Variants in GNA12 observed in about 807,000 individuals in gnomAD.
GNA12 encodes guanine nucleotide-binding protein subunit alpha-12.
Under a neutral mutation model 26.0 loss-of-function variants are expected in GNA12, and 9 were observed. That is an observed-to-expected ratio of 0.35 (90% CI 0.21 to 0.60). GNA12 has a LOEUF of 0.60. Ranked by LOEUF, GNA12 falls within the 20% of genes least tolerant of loss-of-function variation. GNA12 has a pLI of 0.78. For missense variants in GNA12, 405 were observed against 525.8 expected (o/e 0.77, Z 2.25); for synonymous variants, 264 against 219.6 (o/e 1.20, Z -1.79).
intron 1 of GNA12, among the ~76,000 whole-genome samples, chr7:2,821,975 G>C (rs1793379837): frequency 1.3e-5 from 2 of 152,122 alleles, no homozygotes; most frequent in South Asian, 4.1e-4. Flanking sequence ...GGGACACAGG[G>C]GAATCAGACC....
intron 1 of GNA12, among the ~76,000 whole-genome samples, chr7:2,828,793 C>T (rs1301581773): frequency 2.6e-5 from 4 of 152,158 alleles, no homozygotes; most frequent in African/African-American, 7.2e-5. Context: ...CGGTGGCTCA[C>T]GCCTGTAATC....
At chr7:2,815,669 A>C (rs2533881) in intron 1 of GNA12, among the ~76,000 whole-genome samples, 141,218 of 152,172 alleles carry the variant, frequency 0.93, 65,626 homozygotes, top group East Asian at 1. Flanking sequence ...GCCCACAAGT[A>C]CCCCTCCGCC....
chr7:2,842,110 G>GGAA (rs1554264371), intron 1 of GNA12, among the ~76,000 whole-genome samples: 1 of 145,358 alleles, frequency 6.9e-6, no homozygotes, highest in African/African-American at 2.6e-5. Context: ...AAGGAAGGAA[G>GGAA]GGAAGGGAGG....
At position 2,736,358 on chromosome 7, in the gene GNA12, C is replaced by T. The variant is rs1316796156; in HGVS notation, c.526-2857G>A. 4.6e-5 allele frequency among the ~76,000 whole-genome samples: 7 copies of T among 152,170 alleles called. No homozygotes were observed. In the South Asian group the frequency reaches 1.2e-3, roughly 27 times the overall value. On this transcript the variant is annotated intron_variant, in intron 2 of 3. Transcript: ENST00000275364. ...AAACCTACACCACTCAAGATTAACA[C>T]AAACTTGGACTTGCGGATTAAATGA...
intron 1 of GNA12, among the ~76,000 whole-genome samples, chr7:2,835,004 T>C (rs931591372): frequency 6.6e-6 from 1 of 152,216 alleles, no homozygotes; most frequent in Non-Finnish European, 1.5e-5. Context: ...TACATCTGCA[T>C]ATAAGACAAG....
rs562826486 is a variant in GNA12 at position 2,843,755 on chromosome 7, G to A, written c.309+98C>T. The A allele has an allele frequency of 9.0e-5, 49 of 546,530 alleles. No homozygotes were observed. In the South Asian group the frequency reaches 1.4e-3, roughly 16 times the overall value. The allele number at this position is 546,530 out of a possible 1,614,324, so 33.9% of individuals were successfully genotyped here. A position where few individuals can be genotyped will look rare whatever the true frequency, so the allele number is the denominator to read the frequency against. On this transcript the variant is annotated intron_variant, in intron 1 of 3. Coordinates refer to ENST00000275364, the MANE Select transcript of GNA12 (RefSeq NM_007353.3). ...CTGGATCCAGCATCCTCGCCCCAGG[G>A]GTCCCCGCCCGCGGCGGCGGACCAC...
At chr7:2,802,477 G>T (rs545410447) in intron 1 of GNA12, among the ~76,000 whole-genome samples, 1 of 151,960 alleles carries the variant, frequency 6.6e-6, no homozygotes, top group Non-Finnish European at 1.5e-5. Context: ...AATAGATTAT[G>T]TTAGTTTAGC....
chr7:2,742,996 GCAA>G (rs1171569209), intron 2 of GNA12, among the ~76,000 whole-genome samples: 1 of 152,174 alleles, frequency 6.6e-6, no homozygotes, highest in Non-Finnish European at 1.5e-5. Context: ...GTGGTGTGTG[GCAA>G]CAACAACATT....
At chr7:2,779,505 CA>C (rs879328315) in intron 2 of GNA12, among the ~76,000 whole-genome samples, 46 of 142,218 alleles carry the variant, frequency 3.2e-4, no homozygotes, top group Non-Finnish European at 2.3e-4. Context: ...GTGAGACTCT[CA>C]AAAAAAAAAA....
intron 2 of GNA12, among the ~76,000 whole-genome samples, chr7:2,738,698 A>ATCT (rs1009297628): frequency 6.6e-6 from 1 of 152,114 alleles, no homozygotes; most frequent in African/African-American, 2.4e-5. Flanking sequence ...CCATGCTAAC[A>ATCT]TCTTCCATAA....
intron 2 of GNA12, among the ~76,000 whole-genome samples, chr7:2,735,018 C>T (rs1339636193): frequency 6.6e-6 from 1 of 152,188 alleles, no homozygotes; most frequent in Non-Finnish European, 1.5e-5. Flanking sequence ...CAGCCGCCTT[C>T]CCGTGGCTGT....
At chr7:2,800,068 T>C (rs1290531457) in intron 1 of GNA12, among the ~76,000 whole-genome samples, 2 of 152,220 alleles carry the variant, frequency 1.3e-5, no homozygotes, top group Non-Finnish European at 2.9e-5. Context: ...CAAAACCCTG[T>C]AATGTTCACA....
At chr7:2,793,881 CAAAAAAAAAA>C (rs71026557) in intron 2 of GNA12, among the ~76,000 whole-genome samples, 1 of 95,798 alleles carries the variant, frequency 1.0e-5, no homozygotes, top group South Asian at 3.4e-4. Flanking sequence ...GACTCCATCT[CAAAAAAAAAA>C]AAAAAAAGGA....
At chr7:2,763,089 G>C (rs1791645526) in intron 2 of GNA12, 2 of 1,250,270 alleles carry the variant, frequency 1.6e-6, no homozygotes, top group Non-Finnish European at 2.0e-6. Context: ...CCTTGAGTGA[G>C]AGACCACAAG....
At chr7:2,814,628 T>C (rs4722103) in intron 1 of GNA12, among the ~76,000 whole-genome samples, 2,157 of 137,444 alleles carry the variant, frequency 0.016, 23 homozygotes, top group Admixed American at 0.024. Flanking sequence ...TTATTTCCTT[T>C]TCCTGCCTTT....
At chr7:2,821,856 G>A (rs1259278993) in intron 1 of GNA12, among the ~76,000 whole-genome samples, 1 of 152,102 alleles carries the variant, frequency 6.6e-6, no homozygotes, top group Non-Finnish European at 1.5e-5. Flanking sequence ...ATTAAAATTT[G>A]GCTTTCAAGT....
At chr7:2,751,126 A>T (rs1791014197) in intron 2 of GNA12, among the ~76,000 whole-genome samples, 1 of 152,124 alleles carries the variant, frequency 6.6e-6, no homozygotes. Flanking sequence ...GGGGGCACAC[A>T]CTTGTAACCC....
chr7:2,770,122 A>C (rs1791911696), intron 2 of GNA12, among the ~76,000 whole-genome samples: 1 of 152,178 alleles, frequency 6.6e-6, no homozygotes, highest in South Asian at 2.1e-4. Context: ...ACATTATTCA[A>C]CTGCATAGAT....
chr7:2,819,833 A>G (rs1174041317), intron 1 of GNA12, among the ~76,000 whole-genome samples: 1 of 152,220 alleles, frequency 6.6e-6, no homozygotes, highest in Admixed American at 6.5e-5. Flanking sequence ...AGCTCGTCAA[A>G]ATGTTAAACA....
Sources: gnomAD v4.1 joint callset for allele counts (sites outside exome capture counted in the v4.1 genomes callset) on GRCh38, gnomAD v4.1.1 for gene constraint, MANE v1.5 for transcripts, NCBI Gene and HGNC (gene_info 2026-07-23, HGNC 2026-07-21) for gene names.